Variants in SLC5A12 observed in about 807,000 individuals in gnomAD.
The protein encoded by SLC5A12 is solute carrier family 5 member 12.
Under a neutral mutation model 72.7 loss-of-function variants are expected in SLC5A12, and 46 were observed. The ratio of observed to expected loss-of-function variants is 0.63; its 90% confidence interval spans 0.50 to 0.81. The LOEUF (loss-of-function observed/expected upper bound fraction) is 0.81. SLC5A12 is among the 30% of genes least tolerant of loss of function. The pLI, the probability that SLC5A12 is intolerant of heterozygous loss-of-function variation, is 0.00. For missense variants in SLC5A12, 683 were observed against 740.7 expected (o/e 0.92, Z 0.90); for synonymous variants, 275 against 264.4 (o/e 1.04, Z -0.39).
rs1027935165 is a variant in SLC5A12, at chr11:26,669,690, C to T, written c.*1412G>A. On this transcript the variant is annotated 3_prime_UTR_variant, in exon 15 of 15. Coordinates refer to ENST00000396005, the MANE Select transcript of SLC5A12 (RefSeq NM_178498.4). ...TTTCTATCTTTTCTAATAATAAATA[C>T]TGGTAATTTATTTTTTCTCTATTGT... 6.6e-6 allele frequency: 1 copy of T among 151,858 alleles called. No individual in the cohort carries two copies. The highest frequency in any genetic ancestry group is 1.5e-5 in the Non-Finnish European group (1 of 67,980). 9.4% of individuals were successfully genotyped at this position (151,858 alleles called of 1,614,324 possible).
intron 10 of SLC5A12, among the ~76,000 whole-genome samples, chr11:26,685,792 C>A (rs538419767): frequency 6.6e-6 from 1 of 152,216 alleles, no homozygotes; most frequent in East Asian, 1.9e-4. Context: ...ACTGTGAGAA[C>A]TTGAACAGGG....
intron 2 of SLC5A12, 93 bp downstream of exon 2, chr11:26,712,548 T>A (rs1301517218): frequency 1.3e-6 from 1 of 780,954 alleles, no homozygotes; most frequent in Non-Finnish European, 2.0e-6. Flanking sequence ...TAGTATTAAG[T>A]GTCCTTTAGC....
intron 8 of SLC5A12, among the ~76,000 whole-genome samples, chr11:26,694,688 T>A (rs186132816): frequency 6.6e-6 from 1 of 152,314 alleles, no homozygotes; most frequent in African/African-American, 2.4e-5. Context: ...TTTGGAAATC[T>A]GTCAACATAT....
chr11:26,720,324 CATAAATAA>C (rs142328311), intron 1 of SLC5A12, among the ~76,000 whole-genome samples: 1,877 of 145,166 alleles, frequency 0.013, 35 homozygotes, highest in African/African-American at 0.045. Context: ...AGCCCCATCT[CATAAATAA>C]ATAAATAAAT....
intron 10 of SLC5A12, among the ~76,000 whole-genome samples, chr11:26,685,167 C>A (rs1854499350): frequency 6.6e-6 from 1 of 152,164 alleles, no homozygotes; most frequent in Non-Finnish European, 1.5e-5. Context: ...TGGAACATAT[C>A]TAAGTAGTCA....
In SLC5A12 at chr11:26,669,189, T is replaced by TCTC. The variant is rs1854075534; in HGVS notation, c.*1912_*1913insGAG. On this transcript the variant is annotated 3_prime_UTR_variant, in exon 15 of 15. Coordinates refer to ENST00000396005, the MANE Select transcript of SLC5A12 (RefSeq NM_178498.4). ...TCTTTTTCTTTCTTTCTTTCTTCTT[T>TCTC]TCTTTCTTTCTTTCTTTCTTTCTTT... 7.6e-6 allele frequency: 1 copy of TCTC among 131,692 alleles called. No individual in the cohort carries two copies. The highest frequency in any genetic ancestry group is 3.0e-5 in the African/African-American group (1 of 33,240). The allele number at this position is 131,692 out of a possible 1,614,324, so 8.2% of individuals were successfully genotyped here. A position where few individuals can be genotyped will look rare whatever the true frequency, so the allele number is the denominator to read the frequency against.
Position 26,671,268 on chromosome 11 carries a change from G to C in SLC5A12, c.1708-17C>G. The C allele has an allele frequency of 1.3e-6, 2 of 1,576,458 alleles. No individual in the cohort carries two copies. The highest frequency in any genetic ancestry group is 1.2e-5 in the South Asian group (1 of 85,018). On this transcript the variant is annotated splice_polypyrimidine_tract_variant and intron_variant, in intron 14 of 14. Transcript: ENST00000396005. ...AAGGTTTTCCTGAGGGAAATACAAA[G>C]ACACATATTAGCAAGATATCCTTGA... is the stretch of plus-strand genomic sequence containing the variant.
Position 26,668,313 on chromosome 11 carries a change from G to A in SLC5A12, c.*2789C>T, listed in dbSNP as rs564583720. 1 of 152,074 alleles carries A rather than the reference G, an allele frequency of 6.6e-6. No homozygotes were observed. Among genetic ancestry groups the A allele is most frequent in the East Asian group, 1.9e-4 (1 of 5,172 alleles). The allele number at this position is 152,074 out of a possible 1,614,324, so 9.4% of individuals were successfully genotyped here. A position where few individuals can be genotyped will look rare whatever the true frequency, so the allele number is the denominator to read the frequency against. On this transcript the variant is annotated 3_prime_UTR_variant, in exon 15 of 15. Coordinates refer to ENST00000396005, the MANE Select transcript of SLC5A12 (RefSeq NM_178498.4). The stretch of plus-strand genomic sequence containing the variant: ...CAATATCTGTGGTTGTGCTTTAAAG[G>A]TACAGTGGTGAGTATCAAGTTTGGA...
chr11:26,707,306 CT>C (rs1855112946), intron 4 of SLC5A12, among the ~76,000 whole-genome samples: 8 of 151,938 alleles, frequency 5.3e-5, no homozygotes, highest in Admixed American at 4.6e-4. Flanking sequence ...TATTCTTTTT[CT>C]TTCTGCTTTA....
chr11:26,700,628 G>T (rs559118692), intron 6 of SLC5A12, among the ~76,000 whole-genome samples: 2 of 151,480 alleles, frequency 1.3e-5, no homozygotes, highest in East Asian at 3.9e-4. Context: ...CATCGTAACT[G>T]GGAGATGGGA....
intron 9 of SLC5A12, among the ~76,000 whole-genome samples, chr11:26,689,074 C>T (rs1223055181): frequency 1.4e-5 from 2 of 142,392 alleles, no homozygotes; most frequent in Non-Finnish European, 3.0e-5. Context: ...AACTTTATGC[C>T]GTAAGAAGGA....
At chr11:26,678,282 GT>G (rs1854309802) in intron 13 of SLC5A12, among the ~76,000 whole-genome samples, 1 of 152,120 alleles carries the variant, frequency 6.6e-6, no homozygotes, top group Admixed American at 6.6e-5. Context: ...ATTACAGAGG[GT>G]TTTTCATACT....
intron 4 of SLC5A12, among the ~76,000 whole-genome samples, chr11:26,704,839 CAG>C (rs1450020497): frequency 6.6e-6 from 1 of 151,894 alleles, no homozygotes; most frequent in Non-Finnish European, 1.5e-5. Flanking sequence ...AAATTAGTGA[CAG>C]GGAATATATT....
upstream of SLC5A12, among the ~76,000 whole-genome samples, chr11:26,722,541 C>T (rs1156697111): frequency 6.6e-6 from 1 of 152,172 alleles, no homozygotes; most frequent in African/African-American, 2.4e-5. Flanking sequence ...CACTCTGGAA[C>T]ATCATAGCTT....
At position 26,721,571 on chromosome 11, in the gene SLC5A12, C is replaced by T. The variant is rs748364320; in HGVS notation, c.144G>A (p.Met48Ile). 6.2e-7 allele frequency: 1 copy of T among 1,614,158 alleles called. No individual in the cohort carries two copies. Among genetic ancestry groups the T allele is most frequent in the South Asian group, 1.1e-5 (1 of 91,074 alleles). Residue 48 changes from methionine (M) to isoleucine (I), a missense_variant, in exon 1 of 15, where the codon ATG (methionine) becomes ATA (isoleucine). Met to Ile is a conservative substitution (Grantham distance 10). Coordinates refer to ENST00000396005, the MANE Select transcript of SLC5A12 (RefSeq NM_178498.4). ...SREFLVGGRQ[M>I]SFGPVGLSLT... ...GAGACAAGCCGACAGGGCCAAAGCT[C>T]ATTTGCCTTCCCCCAACCAGGAACT... is the stretch of plus-strand genomic sequence containing the variant.
chr11:26,697,092 T>C (rs1053391615), intron 8 of SLC5A12, 72 bp downstream of exon 8: 20 of 1,293,928 alleles, frequency 1.5e-5, no homozygotes, highest in Admixed American at 5.8e-5. Flanking sequence ...TTGCTAAATA[T>C]TGTTGATCAC....
At chr11:26,695,816 G>A (rs752056539) in intron 8 of SLC5A12, among the ~76,000 whole-genome samples, 2 of 152,068 alleles carry the variant, frequency 1.3e-5, no homozygotes, top group Non-Finnish European at 2.9e-5. Context: ...GTTGTGATCT[G>A]ATCCTTGCTC....
chr11:26,704,052 G>T, intron 4 of SLC5A12, 105 bp from the exon 5 acceptor site: 1 of 1,231,894 alleles, frequency 8.1e-7, no homozygotes, highest in Non-Finnish European at 1.2e-6. Context: ...TGTTTATTCA[G>T]CATCAGCCAC....
chr11:26,680,906 G>T, intron 12 of SLC5A12, 149 bp downstream of exon 12: 2 of 622,958 alleles, frequency 3.2e-6, no homozygotes, highest in Non-Finnish European at 4.8e-6. Context: ...GCAGCCCTGC[G>T]TGGCACTCTT....
Sources: allele counts gnomAD v4.1 joint callset (sites outside exome capture counted in the v4.1 genomes callset), GRCh38; gene constraint gnomAD v4.1.1; transcripts MANE v1.5; gene names NCBI Gene and HGNC (gene_info 2026-07-23, HGNC 2026-07-21).